The following TLE1 variants were observed in gnomAD, a reference collection of about 807,000 sequenced individuals.
TLE1 encodes the protein TLE family member 1, transcriptional corepressor, also known as transducin-like enhancer protein 1.
In TLE1, 21 loss-of-function variants were observed where a neutral mutation model predicts 89.8. That is an observed-to-expected ratio of 0.23 (90% CI 0.17 to 0.34). TLE1 has a LOEUF of 0.34. Ranked by LOEUF, TLE1 falls within the 10% of genes least tolerant of loss-of-function variation. The pLI, the probability that TLE1 is intolerant of heterozygous loss-of-function variation, is 1.00. For missense variants in TLE1, 795 were observed against 1,031.2 expected, an observed-to-expected ratio of 0.77 and a Z score of 3.14; for synonymous variants, 447 against 407.6, an observed-to-expected ratio of 1.10 and a Z score of -1.16.
chr9:81,638,313 C>CT (rs1228518188), intron 6 of TLE1, among the ~76,000 whole-genome samples: 2 of 152,194 alleles, frequency 1.3e-5, no homozygotes, highest in Non-Finnish European at 2.9e-5. Flanking sequence ...CTGGCTCTGG[C>CT]TTTTCTCAGA....
rs576882815 is a variant in TLE1 at position 81,635,209 on chromosome 9, A to G, written c.373-908T>C. 3.3e-5 allele frequency among the ~76,000 whole-genome samples: 5 copies of G among 152,290 alleles called. No individual in the cohort carries two copies. In the South Asian group the frequency reaches 1.0e-3, roughly 32 times the overall value. ...AAACATTAGAAACGAAACTTTGTTT[A>G]TCCTTTCCTTCCTACCAAGCTCCAC... On this transcript the variant is annotated intron_variant, in intron 6 of 19. Transcript: ENST00000376499.
In TLE1 at chr9:81,595,680, A is replaced by G. The variant is rs75723642; in HGVS notation, c.1332-2406T>C. 2.1e-3 allele frequency among the ~76,000 whole-genome samples: 319 copies of G among 151,996 alleles called. 1 individual carries two copies. The highest frequency in any genetic ancestry group is 3.9e-3 in the Admixed American group (59 of 15,264). On this transcript the variant is annotated intron_variant, in intron 14 of 19. Coordinates refer to ENST00000376499, the MANE Select transcript of TLE1 (RefSeq NM_005077.5). ...AAAAATACAAAAAAATCAGCCGGGT[A>G]TGGTGGCGGGCGCTTGTAGTCCCAG...
intron 8 of TLE1, among the ~76,000 whole-genome samples, chr9:81,624,621 C>T (rs1322736407): frequency 6.6e-6 from 1 of 152,070 alleles, no homozygotes; most frequent in East Asian, 1.9e-4. Flanking sequence ...ACTCTAATTC[C>T]AGCCAAGAAA....
In TLE1 at chr9:81,598,982, G is replaced by A. The variant is rs145319148; in HGVS notation, c.1332-5708C>T. On this transcript the variant is annotated intron_variant, in intron 14 of 19. Transcript: ENST00000376499. ...TCAGAAGGCACAAGCAATTGCTTCA[G>A]TTTAATGACCAGTAACATGTGGGCA... is the stretch of plus-strand genomic sequence containing the variant. Among the ~76,000 whole-genome samples the A allele has an allele frequency of 4.0e-3, 609 of 152,300 alleles. 6 individuals are homozygous for A. The highest frequency in any genetic ancestry group is 5.0e-3 in the Non-Finnish European group (343 of 68,028).
intron 8 of TLE1, among the ~76,000 whole-genome samples, chr9:81,628,675 A>C (rs571625125): frequency 1.3e-5 from 2 of 152,326 alleles, no homozygotes; most frequent in East Asian, 3.9e-4. Flanking sequence ...TCTCTAGGCA[A>C]GTTCTAAATA....
At chr9:81,599,914 A>T (rs1830691984) in intron 14 of TLE1, 9 of 491,958 alleles carry the variant, frequency 1.8e-5, no homozygotes, top group South Asian at 4.3e-5. Context: ...TATTTTTTTT[A>T]AAGGCAAATA....
chr9:81,599,918 G>T, intron 14 of TLE1: 1 of 502,680 alleles, frequency 2.0e-6, no homozygotes, highest in South Asian at 4.1e-5. Context: ...TTTTTTAAAG[G>T]CAAATACAAA....
At chr9:81,656,196 A>G (rs1386568651) in intron 4 of TLE1, among the ~76,000 whole-genome samples, 2 of 152,186 alleles carry the variant, frequency 1.3e-5, no homozygotes, top group Non-Finnish European at 2.9e-5. Flanking sequence ...AGCCCCACCC[A>G]GTTCATTTGA....
chr9:81,661,826 G>A (rs1213345066), intron 4 of TLE1, among the ~76,000 whole-genome samples: 1 of 152,078 alleles, frequency 6.6e-6, no homozygotes, highest in Non-Finnish European at 1.5e-5. Context: ...TTTGTTGTAA[G>A]TAAGGTAGGT....
At chr9:81,666,888 TAA>T (rs1329464027) in intron 4 of TLE1, among the ~76,000 whole-genome samples, 1 of 151,996 alleles carries the variant, frequency 6.6e-6, no homozygotes. Context: ...GAGAGCAAGG[TAA>T]GAGGATCACC....
At chr9:81,585,711 A>G in intron 17 of TLE1, 56 bp from the exon 18 acceptor site, 2 of 1,589,360 alleles carry the variant, frequency 1.3e-6, no homozygotes, top group Non-Finnish European at 1.7e-6. Flanking sequence ...TTAGGAAGGG[A>G]AGACGCAATG....
At chr9:81,642,806 A>C (rs1313755621) in intron 6 of TLE1, among the ~76,000 whole-genome samples, 2 of 152,246 alleles carry the variant, frequency 1.3e-5, no homozygotes, top group African/African-American at 4.8e-5. Context: ...TATTCACGAG[A>C]GCCAAGATAC....
At chr9:81,626,358 T>C (rs111702055) in intron 8 of TLE1, among the ~76,000 whole-genome samples, 5 of 152,286 alleles carry the variant, frequency 3.3e-5, no homozygotes, top group African/African-American at 1.2e-4. Context: ...CCCCATCACA[T>C]CTGTGTGCCT....
At chr9:81,601,722 T>G (rs1422097378) in intron 14 of TLE1, among the ~76,000 whole-genome samples, 1 of 151,988 alleles carries the variant, frequency 6.6e-6, no homozygotes, top group African/African-American at 2.4e-5. Context: ...AACTAAACAA[T>G]ACCAATTAAA....
At chr9:81,612,821 G>A (rs1823885043) in intron 12 of TLE1, among the ~76,000 whole-genome samples, 2 of 152,238 alleles carry the variant, frequency 1.3e-5, no homozygotes, top group South Asian at 4.1e-4. Flanking sequence ...ACTTTGGGAG[G>A]CCGAGATGGG....
Position 81,600,921 on chromosome 9 carries a change from G to A in TLE1, c.1332-7647C>T, listed in dbSNP as rs541690041. Among the ~76,000 whole-genome samples the A allele has an allele frequency of 2.0e-5, 3 of 152,294 alleles. No individual in the cohort carries two copies. In the East Asian group the frequency reaches 5.8e-4, roughly 29 times the overall value. On this transcript the variant is annotated intron_variant, in intron 14 of 19. Coordinates refer to ENST00000376499, the MANE Select transcript of TLE1 (RefSeq NM_005077.5). ...CTACCTGCTGCTCTCGATTATCAGT[G>A]CTACTGGTTCTCAGGCCTCAGCTTG...
At chr9:81,609,114 T>C (rs1267266628) in intron 14 of TLE1, among the ~76,000 whole-genome samples, 3 of 151,466 alleles carry the variant, frequency 2.0e-5, no homozygotes, top group Non-Finnish European at 4.4e-5. Flanking sequence ...AGACAGAGTC[T>C]CCTTCTGTCA....
chr9:81,669,082 G>A (rs897981669), intron 4 of TLE1, among the ~76,000 whole-genome samples: 1 of 152,192 alleles, frequency 6.6e-6, no homozygotes, highest in Non-Finnish European at 1.5e-5. Context: ...CCACAGGGCT[G>A]GGTTGGCTCA....
intron 18 of TLE1, among the ~76,000 whole-genome samples, chr9:81,584,769 C>T (rs1466524594): frequency 6.6e-6 from 1 of 152,042 alleles, no homozygotes; most frequent in East Asian, 1.9e-4. Flanking sequence ...GCATCATATC[C>T]AACACACGGT....
Sources: allele counts gnomAD v4.1 joint callset (sites outside exome capture counted in the v4.1 genomes callset), GRCh38; gene constraint gnomAD v4.1.1; transcripts MANE v1.5; gene names NCBI Gene and HGNC (gene_info 2026-07-23, HGNC 2026-07-21).